The following PBRM1 variants were observed in gnomAD, a reference collection of about 807,000 sequenced individuals.
PBRM1 encodes polybromo 1.
PBRM1 carries 27 observed loss-of-function variants against 194.5 expected under a neutral mutation model. The ratio of observed to expected loss-of-function variants is 0.14; its 90% CI spans 0.10 to 0.19. PBRM1 has a LOEUF of 0.19. Among genes scored for constraint, PBRM1 ranks in the 10% least tolerant of loss-of-function variants. The pLI is 1.00. For missense variants in PBRM1, 1,466 were observed against 2,077.2 expected, an observed-to-expected ratio of 0.71 and a Z score of 5.72; for synonymous variants, 655 against 693.2, an observed-to-expected ratio of 0.94 and a Z score of 0.87.
chr3:52,547,559 G>A (rs923035676), downstream of PBRM1: 2 of 233,378 alleles, frequency 8.6e-6, no homozygotes, highest in Non-Finnish European at 1.7e-5. Flanking sequence ...TCAGGCACAT[G>A]AAACAAACAC....
At chr3:52,622,233 G>A (rs1247584390) in intron 13 of PBRM1, among the ~76,000 whole-genome samples, 1 of 151,940 alleles carries the variant, frequency 6.6e-6, no homozygotes, top group African/African-American at 2.4e-5. Context: ...AGCTACTTAG[G>A]AGGCTGAGGT....
chr3:52,617,553 G>A lies in PBRM1; in HGVS notation c.1542-15C>T, dbSNP rs896224955. On this transcript the variant is annotated splice_polypyrimidine_tract_variant and intron_variant, in intron 13 of 29. Coordinates refer to ENST00000296302, the Ensembl canonical transcript of PBRM1. ...TGTTCTTTTTACTGTTGAGGGGGAG[G>A]TAGAAAAGGGGAAAAATTAGAATAG... 6 of 1,574,522 alleles carry A rather than the reference G, an allele frequency of 3.8e-6. No homozygotes were observed. The highest frequency in any genetic ancestry group is 1.2e-5 in the South Asian group (1 of 86,012).
intron 1 of PBRM1, among the ~76,000 whole-genome samples, chr3:52,678,897 T>C (rs1395531217): frequency 6.6e-6 from 1 of 152,212 alleles, no homozygotes; most frequent in Non-Finnish European, 1.5e-5. Context: ...GGTTTTCTTC[T>C]TTGAAACTAA....
In PBRM1 at chr3:52,628,762, G is replaced by A. The variant is rs1277315820; in HGVS notation, c.1443+132C>T. 1.6e-5 allele frequency: 13 copies of A among 812,248 alleles called. 1 individual carries two copies. The highest frequency in any genetic ancestry group is 3.5e-5 in the African/African-American group (2 of 57,580). 50.3% of individuals were successfully genotyped at this position (812,248 alleles called of 1,614,324 possible). A position where few individuals can be genotyped will look rare whatever the true frequency, so the allele number is the denominator to read the frequency against. On this transcript the variant is annotated intron_variant, in intron 12 of 29. Transcript: ENST00000296302. ...GCTGGGATTACAGGTGTGAGCCACC[G>A]CACCCAGCCAAATGATGTAATATTA...
At chr3:52,682,788 C>A (rs939662870), upstream of PBRM1, among the ~76,000 whole-genome samples, 2 of 152,068 alleles carry the variant, frequency 1.3e-5, no homozygotes, top group African/African-American at 4.8e-5. Flanking sequence ...AACGTAATGC[C>A]GGGAGTGGTG....
intron 28 of PBRM1, 34 bp from the exon 31 acceptor site, chr3:52,550,671 AAG>A (rs768068752): frequency 6.4e-7 from 1 of 1,569,444 alleles, no homozygotes; most frequent in Admixed American, 1.8e-5. Flanking sequence ...GTGAGGCAAA[AAG>A]AGACTCTGCA....
chr3:52,608,132 G>A (rs1051464202), intron 16 of PBRM1, among the ~76,000 whole-genome samples: 1 of 152,054 alleles, frequency 6.6e-6, no homozygotes, highest in African/African-American at 2.4e-5. Context: ...TCCCTTAAGC[G>A]TAAGTCCTGG....
intron 17 of PBRM1, among the ~76,000 whole-genome samples, chr3:52,592,411 C>T (rs1215814880): frequency 2.6e-5 from 4 of 152,054 alleles, no homozygotes; most frequent in Non-Finnish European, 5.9e-5. Flanking sequence ...GGATTACAGG[C>T]ATGAGCCACC....
chr3:52,673,851 G>C (rs2097015581), intron 2 of PBRM1, among the ~76,000 whole-genome samples: 1 of 151,018 alleles, frequency 6.6e-6, no homozygotes, highest in South Asian at 2.1e-4. Context: ...AAGAGTTTAA[G>C]ACCAGCCTGG....
intron 14 of PBRM1, 104 bp from the exon 17 acceptor site, chr3:52,615,560 A>G: frequency 1.4e-6 from 1 of 711,148 alleles, no homozygotes; most frequent in Non-Finnish European, 2.4e-6. Flanking sequence ...GATAGTTGGG[A>G]GCTTAAAGAA....
At chr3:52,634,774 T>G (rs1354426625) in exon 11 of PBRM1, 1 of 1,613,944 alleles carries the variant, frequency 6.2e-7, no homozygotes, top group Non-Finnish European at 8.5e-7. Flanking sequence ...ATAAAGGAAG[T>G]GATGCTTTCT....
At chr3:52,674,762 A>G (rs1288754863) in intron 2 of PBRM1, among the ~76,000 whole-genome samples, 1 of 149,950 alleles carries the variant, frequency 6.7e-6, no homozygotes, top group Non-Finnish European at 1.5e-5. Context: ...ATATTTTTAC[A>G]TATATAAATA....
chr3:52,647,641 C>T (rs1289046641), intron 7 of PBRM1, among the ~76,000 whole-genome samples: 6 of 151,470 alleles, frequency 4.0e-5, no homozygotes, highest in African/African-American at 1.5e-4. Flanking sequence ...GAATATTATT[C>T]CGCAATAAAA....
intron 2 of PBRM1, among the ~76,000 whole-genome samples, chr3:52,672,866 A>G (rs1320574511): frequency 6.6e-6 from 1 of 152,062 alleles, no homozygotes; most frequent in Non-Finnish European, 1.5e-5. Flanking sequence ...TAGTTAGGGG[A>G]ACATACCTTC....
At chr3:52,608,777 T>A (rs540555466) in intron 16 of PBRM1, among the ~76,000 whole-genome samples, 1 of 152,126 alleles carries the variant, frequency 6.6e-6, no homozygotes, top group South Asian at 2.1e-4. Context: ...AAGTTTAAAG[T>A]AAATCTAAAT....
upstream of PBRM1, chr3:52,682,350 C>A: frequency 7.0e-6 from 1 of 142,380 alleles, no homozygotes. Flanking sequence ...GCATTGGAGA[C>A]ACCATATAAA....
At chr3:52,554,743 G>C in exon 27 of PBRM1, 1 of 1,559,364 alleles carries the variant, frequency 6.4e-7, no homozygotes, top group Non-Finnish European at 8.6e-7. Context: ...GGATGCCCGG[G>C]AGGCCAGGCA....
At chr3:52,555,343 T>C (rs778551477) in intron 26 of PBRM1, among the ~76,000 whole-genome samples, 1 of 152,176 alleles carries the variant, frequency 6.6e-6, no homozygotes, top group Non-Finnish European at 1.5e-5. Flanking sequence ...AATGAGCGCA[T>C]AGTCCTGATC....
chr3:52,648,579 T>G (rs1266537909), intron 6 of PBRM1, 137 bp from the exon 8 acceptor site: 1 of 445,940 alleles, frequency 2.2e-6, no homozygotes, highest in Non-Finnish European at 3.9e-6. Context: ...ATGAACAACA[T>G]GTAAAGTCAT....
Sources: allele counts gnomAD v4.1 joint callset (sites outside exome capture counted in the v4.1 genomes callset), GRCh38; gene constraint gnomAD v4.1.1; transcripts MANE v1.5; gene names NCBI Gene and HGNC (gene_info 2026-07-23, HGNC 2026-07-21).